The following HPSE2 variants were observed in gnomAD, a reference collection of about 807,000 sequenced individuals.
The protein encoded by HPSE2 is heparanase 2 (inactive), also known as inactive heparanase-2.
HPSE2 carries 38 observed loss-of-function variants against 60.5 expected under a neutral mutation model. That is an observed-to-expected ratio of 0.63 (90% confidence interval 0.48 to 0.82). The LOEUF (loss-of-function observed/expected upper bound fraction) is 0.82. Ranked by LOEUF, HPSE2 falls within the 40% of genes least tolerant of loss-of-function variation. The pLI, the probability that HPSE2 is intolerant of heterozygous loss-of-function variation, is 0.00. For synonymous variants in HPSE2, 295 were observed against 293.2 expected (o/e 1.01, Z -0.06); for missense variants, 713 against 740.4 (o/e 0.96, Z 0.43).
intron 11 of HPSE2, among the ~76,000 whole-genome samples, chr10:98,480,493 C>T (rs1180913683): frequency 2.6e-5 from 4 of 152,062 alleles, no homozygotes; most frequent in East Asian, 1.9e-4. Context: ...TCCCTTTAGT[C>T]ACCCTTAAGG....
intron 9 of HPSE2, among the ~76,000 whole-genome samples, chr10:98,563,490 A>G (rs949293435): frequency 6.6e-6 from 1 of 152,162 alleles, no homozygotes; most frequent in Non-Finnish European, 1.5e-5. Flanking sequence ...AAAAGTGATT[A>G]TTGTACAATT....
At chr10:98,668,562 T>C (rs760298216) in intron 6 of HPSE2, among the ~76,000 whole-genome samples, 1 of 152,192 alleles carries the variant, frequency 6.6e-6, no homozygotes, top group Admixed American at 6.5e-5. Context: ...AACAGACTTA[T>C]AGACCATTGT....
chr10:99,309,707 ATATC>A, the HPSE2 span, among the ~76,000 whole-genome samples: 1 of 152,226 alleles, frequency 6.6e-6, no homozygotes, highest in Non-Finnish European at 1.5e-5. Context: ...AAAGCCTAAA[ATATC>A]TATTATATAG....
intron 9 of HPSE2, among the ~76,000 whole-genome samples, chr10:98,566,549 A>T (rs941769540): frequency 6.6e-6 from 1 of 152,198 alleles, no homozygotes; most frequent in South Asian, 2.1e-4. Flanking sequence ...CACAGAAGCA[A>T]CCATGGCTTT....
At chr10:99,023,074 C>T (rs533317156) in intron 3 of HPSE2, among the ~76,000 whole-genome samples, 1 of 152,250 alleles carries the variant, frequency 6.6e-6, no homozygotes, top group Non-Finnish European at 1.5e-5. Context: ...GGACTTGACT[C>T]TTGGCCATTT....
chr10:98,766,149 C>T (rs1481628404), intron 3 of HPSE2, among the ~76,000 whole-genome samples: 1 of 151,984 alleles, frequency 6.6e-6, no homozygotes, highest in East Asian at 1.9e-4. Flanking sequence ...ATGAACTATC[C>T]ACTATCCATA....
chr10:98,984,824 A>G (rs1956297941), intron 3 of HPSE2, among the ~76,000 whole-genome samples: 1 of 152,246 alleles, frequency 6.6e-6, no homozygotes. Flanking sequence ...AAACCACGGC[A>G]CGAGAACTAC....
At chr10:98,727,549 G>T (rs1271346853) in intron 4 of HPSE2, among the ~76,000 whole-genome samples, 1 of 152,048 alleles carries the variant, frequency 6.6e-6, no homozygotes, top group South Asian at 2.1e-4. Flanking sequence ...TACTTGGCTT[G>T]GGAAGCTGAG....
rs1315861247 is a variant in HPSE2, at chr10:99,184,815, TATATAG to T, written c.449-40422_449-40417del. Among the ~76,000 whole-genome samples the T allele has an allele frequency of 5.1e-3, 145 of 28,618 alleles. 1 individual carries two copies. The highest frequency in any genetic ancestry group is 0.013 in the African/African-American group (136 of 10,856). 18.8% of individuals were successfully genotyped at this position (28,618 alleles called of 152,430 possible). A position where few individuals can be genotyped will look rare whatever the true frequency, so the allele number is the denominator to read the frequency against. On this transcript the variant is annotated intron_variant, in intron 2 of 11. Coordinates refer to ENST00000370552, the MANE Select transcript of HPSE2 (RefSeq NM_021828.5). ...ATATATATATATATATATATATATA[TATATAG>T]AGAGAGAGAGAGAGAGAGAGAGAGA...
chr10:98,897,411 G>C (rs1488609651), intron 3 of HPSE2, among the ~76,000 whole-genome samples: 1 of 151,978 alleles, frequency 6.6e-6, no homozygotes, highest in Non-Finnish European at 1.5e-5. Flanking sequence ...AACAGCATTG[G>C]AAGACTCACA....
chr10:98,531,548 A>G (rs1943131661), intron 9 of HPSE2, among the ~76,000 whole-genome samples: 1 of 152,192 alleles, frequency 6.6e-6, no homozygotes, highest in Non-Finnish European at 1.5e-5. Context: ...AATAATGGGG[A>G]GAACTCATGA....
intron 3 of HPSE2, among the ~76,000 whole-genome samples, chr10:98,942,921 G>A (rs1298822735): frequency 5.9e-5 from 9 of 151,810 alleles, no homozygotes; most frequent in Non-Finnish European, 1.3e-4. Flanking sequence ...ATGAGTTCAT[G>A]TCCTTTGTAG....
chr10:98,486,742 C>T lies in HPSE2; in HGVS notation c.1466+3309G>A, dbSNP rs150261497. Among the ~76,000 whole-genome samples the T allele has an allele frequency of 1.1e-4, 16 of 152,266 alleles. No homozygotes were observed. In the East Asian group the frequency reaches 3.1e-3, roughly 29 times the overall value. Reference sequence around the variant, plus strand: ...GTCATTCCCACTGAAAGTCAATGTGCTTGAAACTGGGTTGATCCATTGTCT... The same window carrying T: ...GTCATTCCCACTGAAAGTCAATGTGTTTGAAACTGGGTTGATCCATTGTCT... On this transcript the variant is annotated intron_variant, in intron 10 of 11. Coordinates refer to ENST00000370552, the MANE Select transcript of HPSE2 (RefSeq NM_021828.5).
chr10:99,013,037 C>A (rs2135405293), intron 3 of HPSE2: 3 of 452,708 alleles, frequency 6.6e-6, no homozygotes, highest in Non-Finnish European at 1.2e-5. Flanking sequence ...TTAATTGCTG[C>A]AGCTTTCAGG....
chr10:98,548,388 G>A (rs1298962199), intron 9 of HPSE2, among the ~76,000 whole-genome samples: 1 of 152,128 alleles, frequency 6.6e-6, no homozygotes, highest in Non-Finnish European at 1.5e-5. Context: ...AGGCCGAGTT[G>A]GGCATATGGC....
intron 6 of HPSE2, among the ~76,000 whole-genome samples, chr10:98,660,773 A>G (rs1176337304): frequency 6.6e-6 from 1 of 152,124 alleles, no homozygotes; most frequent in East Asian, 1.9e-4. Flanking sequence ...ATGCTACCAT[A>G]TGGTCATGGC....
chr10:99,269,004 C>G, the HPSE2 span, among the ~76,000 whole-genome samples: 1 of 151,804 alleles, frequency 6.6e-6, no homozygotes, highest in African/African-American at 2.4e-5. Context: ...AAAAAAAATA[C>G]AAAAATTAGC....
chr10:98,957,702 A>G (rs1338004318), intron 3 of HPSE2, among the ~76,000 whole-genome samples: 1 of 152,162 alleles, frequency 6.6e-6, no homozygotes, highest in East Asian at 1.9e-4. Flanking sequence ...CGACTTCCTT[A>G]GCAGCTTTTC....
chr10:98,516,175 C>T (rs1456303231), intron 9 of HPSE2, among the ~76,000 whole-genome samples: 2 of 152,174 alleles, frequency 1.3e-5, no homozygotes, highest in Non-Finnish European at 1.5e-5. Flanking sequence ...CGGCCCTTCA[C>T]ATATATTATC....
Sources: allele counts gnomAD v4.1 joint callset (sites outside exome capture counted in the v4.1 genomes callset), GRCh38; gene constraint gnomAD v4.1.1; transcripts MANE v1.5; gene names NCBI Gene and HGNC (gene_info 2026-07-23, HGNC 2026-07-21).